CCDC195: variants seen among roughly 807,000 people sequenced by gnomAD.
CCDC195 encodes coiled-coil domain-containing protein 195.
chr2:224,711,037 T>C (rs1199044467), intron 1 of CCDC195, among the ~76,000 whole-genome samples: 3 of 152,212 alleles, frequency 2.0e-5, no homozygotes, highest in Admixed American at 2.0e-4. Flanking sequence ...ATGGCCTTCT[T>C]ACTCCTGATT....
chr2:224,707,619 A>G (rs999503768), intron 2 of CCDC195, among the ~76,000 whole-genome samples: 1 of 152,186 alleles, frequency 6.6e-6, no homozygotes, highest in African/African-American at 2.4e-5. Context: ...TACACTTCAT[A>G]TATTTGCATG....
chr2:224,712,904 T>C (rs910335232), intron 1 of CCDC195, among the ~76,000 whole-genome samples: 1 of 151,950 alleles, frequency 6.6e-6, no homozygotes, highest in Non-Finnish European at 1.5e-5. Flanking sequence ...AGTCTTGCAC[T>C]GTTGCCCAGG....
intron 1 of CCDC195, among the ~76,000 whole-genome samples, chr2:224,715,565 AC>A (rs1320100962): frequency 3.9e-5 from 6 of 152,246 alleles, no homozygotes; most frequent in African/African-American, 1.4e-4. Context: ...CAGGTGCAAT[AC>A]TAAGCATTTA....
At chr2:224,709,390 T>G (rs1444104774) in intron 2 of CCDC195, among the ~76,000 whole-genome samples, 1 of 152,216 alleles carries the variant, frequency 6.6e-6, no homozygotes, top group Admixed American at 6.5e-5. Context: ...CCTCCCATTC[T>G]CAGGCTGTTC....
chr2:224,706,357 G>T (rs573936727), intron 2 of CCDC195, among the ~76,000 whole-genome samples: 2 of 147,846 alleles, frequency 1.4e-5, no homozygotes, highest in Non-Finnish European at 3.0e-5. Flanking sequence ...GGCATACACC[G>T]CCACACCTGG....
At chr2:224,711,158 T>C (rs114574193) in intron 1 of CCDC195, among the ~76,000 whole-genome samples, 2,084 of 152,204 alleles carry the variant, frequency 0.014, 53 homozygotes, top group African/African-American at 0.047. Flanking sequence ...GTTGGGACAG[T>C]CGTTAAGAGG....
chr2:224,706,584 C>T (rs143529518), intron 2 of CCDC195, among the ~76,000 whole-genome samples: 1,628 of 139,074 alleles, frequency 0.012, 33 homozygotes, highest in African/African-American at 0.039. Flanking sequence ...GATCTCGGTT[C>T]ACTGCAAACT....
chr2:224,710,573 G>A (rs1157547592), intron 1 of CCDC195, among the ~76,000 whole-genome samples: 1 of 152,242 alleles, frequency 6.6e-6, no homozygotes, highest in Admixed American at 6.5e-5. Context: ...GGGAGGCAGA[G>A]GTTGCAGTGA....
At chr2:224,709,516 A>G (rs1689283272) in intron 2 of CCDC195, among the ~76,000 whole-genome samples, 2 of 152,218 alleles carry the variant, frequency 1.3e-5, no homozygotes, top group African/African-American at 4.8e-5. Context: ...CCTAACGCCC[A>G]CTAAGGCACC....
At chr2:224,708,412 C>G (rs1689254761) in intron 2 of CCDC195, among the ~76,000 whole-genome samples, 2 of 152,226 alleles carry the variant, frequency 1.3e-5, no homozygotes, top group South Asian at 4.1e-4. Flanking sequence ...ATTTATTTTA[C>G]TACTTTTAGT....
At chr2:224,714,936 T>G (rs1689362639) in intron 1 of CCDC195, among the ~76,000 whole-genome samples, 7 of 152,086 alleles carry the variant, frequency 4.6e-5, no homozygotes, top group Admixed American at 3.3e-4. Flanking sequence ...TTTTTTTCCT[T>G]TTTTTCTTTT....
chr2:224,709,719 G>A (rs1205027831), intron 2 of CCDC195, among the ~76,000 whole-genome samples: 1 of 152,196 alleles, frequency 6.6e-6, no homozygotes, highest in Admixed American at 6.5e-5. Flanking sequence ...CTTAGAATAT[G>A]ATCACTAATG....
chr2:224,711,813 C>G (rs1261072215), intron 1 of CCDC195, among the ~76,000 whole-genome samples: 1 of 152,150 alleles, frequency 6.6e-6, no homozygotes, highest in African/African-American at 2.4e-5. Flanking sequence ...TTTTGTAGAA[C>G]AGAAGACTGA....
exon 1 of CCDC195, chr2:224,716,263 T>A (rs1689381518): frequency 1.3e-5 from 5 of 398,592 alleles, no homozygotes; most frequent in African/African-American, 6.2e-5. Context: ...CTCTGACTAC[T>A]TGCAGTGAGT....
chr2:224,713,983 TTTCTTTTCTTTTCTTTTCTA>T (rs1258863462), intron 1 of CCDC195, among the ~76,000 whole-genome samples: 2 of 151,760 alleles, frequency 1.3e-5, no homozygotes, highest in South Asian at 2.1e-4. Context: ...GGCTAATCCT[TTTCTTTTCTTTTCTTTTCTA>T]TTCTTTTCTT....
exon 3 of CCDC195, chr2:224,703,778 T>C: frequency 2.5e-6 from 1 of 398,584 alleles, no homozygotes; most frequent in Non-Finnish European, 4.4e-6. Flanking sequence ...TCTGCAATGA[T>C]ACTTAGCTGG....
At position 224,712,853 on chromosome 2, in the gene CCDC195, C is replaced by CCCTT. The variant is rs569012803; in HGVS notation, c.236-2638_236-2635dup. Among the ~76,000 whole-genome samples the CCCTT allele has an allele frequency of 4.9e-4, 74 of 150,800 alleles. 1 individual carries two copies. The East Asian group carries it at 5.7e-3, about 12-fold the overall frequency. On this transcript the variant is annotated intron_variant, in intron 1 of 2. Coordinates refer to ENST00000638102, the Ensembl canonical transcript of CCDC195. The stretch of plus-strand genomic sequence containing the variant: ...CTACTGGATGATCTCTTCCCTCCCT[C>CCCTT]CCTTCCTTCCTTCCTTCCTTCCCTC...
intron 2 of CCDC195, among the ~76,000 whole-genome samples, chr2:224,707,972 T>TCCCTCCCTCCCTCCCTCCCTCCC (rs1689241458): frequency 3.4e-5 from 2 of 59,104 alleles, no homozygotes; most frequent in Non-Finnish European, 3.0e-5. Context: ...CCCTCCCTTC[T>TCCCTCCCTCCCTCCCTCCCTCCC]TCCCTCCCTC....
intron 1 of CCDC195, among the ~76,000 whole-genome samples, chr2:224,710,807 A>G (rs1400960200): frequency 6.6e-6 from 1 of 152,232 alleles, no homozygotes; most frequent in Non-Finnish European, 1.5e-5. Context: ...AATAGATGAT[A>G]GAATTCACAT....
Sources: gnomAD v4.1 joint callset for allele counts (sites outside exome capture counted in the v4.1 genomes callset) on GRCh38, gnomAD v4.1.1 for gene constraint, MANE v1.5 for transcripts, NCBI Gene and HGNC (gene_info 2026-07-23, HGNC 2026-07-21) for gene names.